Variants in RNF217 observed in about 807,000 individuals in gnomAD.
The protein encoded by RNF217 is ring finger protein 217, also known as E3 ubiquitin-protein ligase RNF217.
Under a neutral mutation model 57.8 loss-of-function variants are expected in RNF217, and 31 were observed. That is an observed-to-expected ratio of 0.54 (90% CI 0.40 to 0.72). RNF217 has a LOEUF of 0.72. Ranked by LOEUF, RNF217 falls within the 30% of genes least tolerant of loss-of-function variation. The pLI, the probability that RNF217 is intolerant of heterozygous loss-of-function variation, is 0.00. For synonymous variants in RNF217, 313 were observed against 294.0 expected (o/e 1.06, Z -0.66); for missense variants, 696 against 708.3 (o/e 0.98, Z 0.20).
chr6:124,989,100 T>C (rs1784459226), intron 1 of RNF217, among the ~76,000 whole-genome samples: 1 of 137,082 alleles, frequency 7.3e-6, no homozygotes, highest in Non-Finnish European at 1.6e-5. Context: ...GTTACTTTGG[T>C]GCAGCTTCAT....
At chr6:125,070,213 C>T (rs1788084472) in intron 3 of RNF217, among the ~76,000 whole-genome samples, 1 of 152,208 alleles carries the variant, frequency 6.6e-6, no homozygotes, top group Non-Finnish European at 1.5e-5. Flanking sequence ...CAGTAGTATT[C>T]CATGGTGTAT....
At chr6:125,061,317 G>A (rs1488638390) in intron 3 of RNF217, among the ~76,000 whole-genome samples, 3 of 151,436 alleles carry the variant, frequency 2.0e-5, no homozygotes, top group Non-Finnish European at 3.0e-5. Context: ...TTCAGTATGA[G>A]CATTTGTTGG....
At chr6:125,066,994 C>CG (rs1787958107) in intron 3 of RNF217, among the ~76,000 whole-genome samples, 1 of 78,846 alleles carries the variant, frequency 1.3e-5, no homozygotes, top group African/African-American at 1.2e-4. Context: ...TGGAATGTTG[C>CG]AGGAGTATTA....
intron 1 of RNF217, among the ~76,000 whole-genome samples, chr6:125,010,945 G>A (rs1288498467): frequency 1.3e-5 from 2 of 152,122 alleles, no homozygotes; most frequent in Admixed American, 6.6e-5. Flanking sequence ...TCAAAAAGAC[G>A]GGGTTGAATT....
chr6:125,055,922 G>C (rs1054302976), intron 2 of RNF217, among the ~76,000 whole-genome samples: 1 of 151,952 alleles, frequency 6.6e-6, no homozygotes, highest in Admixed American at 6.6e-5. Flanking sequence ...TATTTTAATT[G>C]TAATGATCAA....
intron 1 of RNF217, among the ~76,000 whole-genome samples, chr6:125,033,474 T>C (rs1786454533): frequency 1.3e-5 from 2 of 150,184 alleles, no homozygotes; most frequent in Admixed American, 1.3e-4. Context: ...GATAGTTTAC[T>C]GAGAATGATG....
intron 4 of RNF217, among the ~76,000 whole-genome samples, chr6:125,079,828 C>T (rs190466587): frequency 6.6e-5 from 10 of 152,000 alleles, no homozygotes; most frequent in East Asian, 1.9e-4. Context: ...AAATAAAATA[C>T]GATATATGGA....
chr6:124,982,853 G>A (rs933273199), intron 1 of RNF217, among the ~76,000 whole-genome samples: 2 of 152,180 alleles, frequency 1.3e-5, no homozygotes, highest in African/African-American at 4.8e-5. Context: ...ACTTCCTGGT[G>A]AGAAGAATAG....
chr6:124,964,239 C>T (rs1232275315), intron 1 of RNF217, among the ~76,000 whole-genome samples: 1 of 152,166 alleles, frequency 6.6e-6, no homozygotes, highest in African/African-American at 2.4e-5. Context: ...ATCCTGGATG[C>T]CCTTTGATCC....
chr6:125,018,010 C>T (rs914608113), intron 1 of RNF217, among the ~76,000 whole-genome samples: 10 of 152,122 alleles, frequency 6.6e-5, no homozygotes, highest in African/African-American at 2.4e-4. Context: ...AATCAATTGA[C>T]TTAAAGTTTT....
chr6:124,979,914 C>T (rs1784099077), intron 1 of RNF217, among the ~76,000 whole-genome samples: 1 of 152,160 alleles, frequency 6.6e-6, no homozygotes, highest in Non-Finnish European at 1.5e-5. Context: ...ATGGCTCTGT[C>T]TCATGTCCTG....
chr6:124,981,492 G>T (rs1219094195), intron 1 of RNF217, among the ~76,000 whole-genome samples: 6 of 152,054 alleles, frequency 3.9e-5, no homozygotes, highest in Non-Finnish European at 5.9e-5. Context: ...CAGGCCATAG[G>T]TAGATAAGAG....
chr6:125,047,302 T>C (rs184425837), intron 2 of RNF217, among the ~76,000 whole-genome samples: 1 of 152,222 alleles, frequency 6.6e-6, no homozygotes, highest in East Asian at 1.9e-4. Context: ...AAAGGAGTTA[T>C]AATTTAAGTC....
At chr6:124,973,999 G>A (rs1011085559) in intron 1 of RNF217, among the ~76,000 whole-genome samples, 8 of 152,166 alleles carry the variant, frequency 5.3e-5, no homozygotes, top group Non-Finnish European at 8.8e-5. Flanking sequence ...GCTGTCTACC[G>A]AGTGCCCCCA....
chr6:124,970,338 A>G (rs1218333931), intron 1 of RNF217, among the ~76,000 whole-genome samples: 1 of 152,230 alleles, frequency 6.6e-6, no homozygotes, highest in Non-Finnish European at 1.5e-5. Context: ...ATACAGGCGA[A>G]CGCAGTTTGA....
chr6:125,009,334 G>A (rs751523037), intron 1 of RNF217: 5 of 1,263,066 alleles, frequency 4.0e-6, no homozygotes, highest in Non-Finnish European at 5.8e-6. Context: ...AGGAGCCCTT[G>A]TAATCTCTTC....
chr6:125,067,618 GTTAT>G (rs1436487464), intron 3 of RNF217, among the ~76,000 whole-genome samples: 3 of 152,108 alleles, frequency 2.0e-5, no homozygotes, highest in Non-Finnish European at 4.4e-5. Context: ...CAGAGTTAGA[GTTAT>G]TTATTTTTTG....
At chr6:124,974,359 A>G (rs980648894) in intron 1 of RNF217, among the ~76,000 whole-genome samples, 1 of 152,344 alleles carries the variant, frequency 6.6e-6, no homozygotes, top group Admixed American at 6.5e-5. Flanking sequence ...TCCAATTCAT[A>G]TCATTCTATT....
chr6:124,968,582 T>C (rs1015419315), intron 1 of RNF217, among the ~76,000 whole-genome samples: 1 of 152,212 alleles, frequency 6.6e-6, no homozygotes, highest in African/African-American at 2.4e-5. Flanking sequence ...GCTGCATGGG[T>C]ATTTCCTGTC....
Sources: allele counts gnomAD v4.1 joint callset (sites outside exome capture counted in the v4.1 genomes callset), GRCh38; gene constraint gnomAD v4.1.1; transcripts MANE v1.5; gene names NCBI Gene and HGNC (gene_info 2026-07-23, HGNC 2026-07-21).